Variants in AMBRA1 observed in about 807,000 individuals in gnomAD.
AMBRA1 encodes the protein autophagy and beclin 1 regulator 1.
A neutral mutation model predicts 125.4 loss-of-function variants in AMBRA1; 47 were observed. The ratio of observed to expected loss-of-function variants is 0.37; its 90% CI spans 0.30 to 0.48. The LOEUF is 0.48. Ranked by LOEUF, AMBRA1 falls within the 20% of genes least tolerant of loss-of-function variation. AMBRA1 has a pLI of 0.99. For synonymous variants in AMBRA1, 626 were observed against 655.5 expected, an observed-to-expected ratio of 0.95 and a Z score of 0.69; for missense variants, 1,331 against 1,693.4, an observed-to-expected ratio of 0.79 and a Z score of 3.76.
At chr11:46,398,061 A>G in intron 17 of AMBRA1, 118 bp from the exon 18 acceptor site, 2 of 1,335,764 alleles carry the variant, frequency 1.5e-6, no homozygotes, top group Non-Finnish European at 1.0e-6. Flanking sequence ...ATAGAGAAAG[A>G]CTCGCTCCAT....
At chr11:46,459,441 ACTT>A (rs1412607345) in intron 11 of AMBRA1, among the ~76,000 whole-genome samples, 2 of 152,148 alleles carry the variant, frequency 1.3e-5, no homozygotes, top group Admixed American at 6.5e-5. Context: ...ATTTATAACA[ACTT>A]AATAAAAAAT....
At position 46,396,975 on chromosome 11, in the gene AMBRA1, G is replaced by A. The variant is rs2136563999; in HGVS notation, c.*475C>T. 6.5e-6 allele frequency: 1 copy of A among 154,244 alleles called. No individual in the cohort carries two copies. Among genetic ancestry groups the A allele is most frequent in the Non-Finnish European group, 1.4e-5 (1 of 69,094 alleles). The allele number at this position is 154,244 out of a possible 1,614,324, so 9.6% of individuals were successfully genotyped here. On this transcript the variant is annotated 3_prime_UTR_variant, in exon 18 of 18. Coordinates refer to ENST00000683756, the MANE Select transcript of AMBRA1 (RefSeq NM_001387011.1). Reference sequence around the variant, plus strand: ...GGTAAGACGACGAAGAGAGGCTGAAGCTCTGGAAGGCTCAGAGTTGGAGGT... The same window carrying A: ...GGTAAGACGACGAAGAGAGGCTGAAACTCTGGAAGGCTCAGAGTTGGAGGT...
intron 7 of AMBRA1, among the ~76,000 whole-genome samples, chr11:46,540,927 T>G (rs531465362): frequency 6.6e-6 from 1 of 152,228 alleles, no homozygotes; most frequent in African/African-American, 2.4e-5. Context: ...AACTAATACT[T>G]ATTGACTGAG....
At chr11:46,535,797 G>A (rs553377821) in intron 7 of AMBRA1, among the ~76,000 whole-genome samples, 3 of 152,276 alleles carry the variant, frequency 2.0e-5, no homozygotes, top group Non-Finnish European at 2.9e-5. Context: ...GATAAAAAAA[G>A]GGAAGGCTGC....
intron 1 of AMBRA1, among the ~76,000 whole-genome samples, chr11:46,584,286 C>T (rs963019781): frequency 2.7e-5 from 4 of 147,640 alleles, no homozygotes; most frequent in African/African-American, 5.1e-5. Context: ...AAAAACCAAA[C>T]ACCGCATGTT....
chr11:46,441,797 T>C (rs1948021183), intron 12 of AMBRA1, among the ~76,000 whole-genome samples: 1 of 152,050 alleles, frequency 6.6e-6, no homozygotes, highest in South Asian at 2.1e-4. Context: ...CTAAGGAGGT[T>C]TGACCTTTCA....
chr11:46,422,259 C>T (rs1946882157), intron 14 of AMBRA1, among the ~76,000 whole-genome samples: 1 of 152,210 alleles, frequency 6.6e-6, no homozygotes. Context: ...ACAGCAACCC[C>T]TCTTCCCAAA....
chr11:46,401,636 AGGCTCT>A (rs1945765392), intron 17 of AMBRA1, among the ~76,000 whole-genome samples: 1 of 152,190 alleles, frequency 6.6e-6, no homozygotes, highest in Non-Finnish European at 1.5e-5. Context: ...GGGCTTTCCC[AGGCTCT>A]GCGGGAGGCC....
At chr11:46,492,939 C>T (rs983197114) in intron 11 of AMBRA1, among the ~76,000 whole-genome samples, 3 of 152,162 alleles carry the variant, frequency 2.0e-5, no homozygotes, top group African/African-American at 7.2e-5. Context: ...GTCCTAGCTA[C>T]TCGGGAGGCT....
intron 11 of AMBRA1, among the ~76,000 whole-genome samples, chr11:46,446,470 A>G (rs1948288980): frequency 6.6e-6 from 1 of 152,228 alleles, no homozygotes; most frequent in South Asian, 2.1e-4. Flanking sequence ...CCAAATCCTG[A>G]GAGACTGCTA....
intron 11 of AMBRA1, among the ~76,000 whole-genome samples, chr11:46,456,074 C>T: frequency 6.6e-6 from 1 of 152,172 alleles, no homozygotes; most frequent in East Asian, 1.9e-4. Flanking sequence ...AGCAGAACAT[C>T]CATTTTCAAA....
chr11:46,535,448 A>C (rs1952426693), intron 7 of AMBRA1, among the ~76,000 whole-genome samples: 1 of 152,240 alleles, frequency 6.6e-6, no homozygotes, highest in African/African-American at 2.4e-5. Flanking sequence ...ATGAGAGCAC[A>C]CATTTTCTCA....
At chr11:46,592,714 C>T (rs766125834) in intron 1 of AMBRA1, among the ~76,000 whole-genome samples, 2 of 151,588 alleles carry the variant, frequency 1.3e-5, no homozygotes, top group East Asian at 3.9e-4. Context: ...GCCAAGATCG[C>T]GCCACTGCAC....
chr11:46,476,162 A>G (rs1361810363), intron 11 of AMBRA1, among the ~76,000 whole-genome samples: 1 of 152,218 alleles, frequency 6.6e-6, no homozygotes, highest in Non-Finnish European at 1.5e-5. Context: ...AAAAGTGTCC[A>G]TGAAGTTGAG....
chr11:46,519,373 G>A (rs1227475157), intron 7 of AMBRA1, among the ~76,000 whole-genome samples: 1 of 149,878 alleles, frequency 6.7e-6, no homozygotes, highest in African/African-American at 2.5e-5. Context: ...AGAAAGTCTG[G>A]GTACTAGTCC....
chr11:46,543,389 C>T lies in AMBRA1; in HGVS notation c.628G>A (p.Glu210Lys), dbSNP rs777571634. The T allele has an allele frequency of 3.7e-6, 6 of 1,613,604 alleles. No homozygotes were observed. Among genetic ancestry groups the T allele is most frequent in the South Asian group, 1.1e-5 (1 of 91,058 alleles). ...VNPSNQQGDDEPEIPIDGTEL... is the reference protein window; with the variant it reads ...VNPSNQQGDDKPEIPIDGTEL... ...GTTCCATCTATGGGGATCTCTGGTT[C>T]GTCATCACCCTGCAACGTGGACCAG... The change falls in exon 7 of 18, where the codon GAA becomes AAA. Residue 210 changes from glutamate to lysine, a missense_variant. Around this residue, in one of 4 missense-constraint regions of AMBRA1, gnomAD observed 689 missense variants for 776.5 expected, o/e 0.89. Coordinates refer to ENST00000683756, the MANE Select transcript of AMBRA1 (RefSeq NM_001387011.1).
chr11:46,411,289 C>T (rs984610488), intron 15 of AMBRA1, among the ~76,000 whole-genome samples: 4 of 152,150 alleles, frequency 2.6e-5, no homozygotes, highest in Non-Finnish European at 5.9e-5. Flanking sequence ...GAGCAAACAT[C>T]CCCAAGTGAG....
chr11:46,528,278 T>C (rs765577059), intron 7 of AMBRA1, among the ~76,000 whole-genome samples: 3 of 152,208 alleles, frequency 2.0e-5, no homozygotes, highest in Non-Finnish European at 4.4e-5. Flanking sequence ...TTCAAGCGAT[T>C]CTCCTGCCTC....
rs928078831 is a variant in AMBRA1, at chr11:46,396,696, G to C, written c.*754C>G. 6 of 152,792 alleles carry C rather than the reference G, an allele frequency of 3.9e-5. No individual in the cohort carries two copies. The highest frequency in any genetic ancestry group is 1.4e-4 in the African/African-American group (6 of 41,572). The allele number at this position is 152,792 out of a possible 1,614,324, so 9.5% of individuals were successfully genotyped here. On this transcript the variant is annotated 3_prime_UTR_variant, in exon 18 of 18. Coordinates refer to ENST00000683756, the MANE Select transcript of AMBRA1 (RefSeq NM_001387011.1). ...CCAGCCTTGGGCTAGCTTTGGCCTA[G>C]GCTCAGGTAATACTGACACCCACAG...
Sources: gnomAD v4.1 joint callset for allele counts (sites outside exome capture counted in the v4.1 genomes callset) on GRCh38, gnomAD v4.1.1 for gene constraint, gnomAD v4.1.1 regional missense constraint, MANE v1.5 for transcripts, NCBI Gene and HGNC (gene_info 2026-07-23, HGNC 2026-07-21) for gene names.